The following ESRP1 variants were observed in gnomAD, a reference collection of about 807,000 sequenced individuals.
The protein encoded by ESRP1 is RNA-binding motif protein 35A.
Under a neutral mutation model 81.7 loss-of-function variants are expected in ESRP1, and 33 were observed. The ratio of observed to expected loss-of-function variants is 0.40; its 90% CI spans 0.31 to 0.54. The LOEUF (loss-of-function observed/expected upper bound fraction) is 0.54. Ranked by LOEUF, ESRP1 falls within the 20% of genes least tolerant of loss-of-function variation. ESRP1 has a pLI of 0.41. For missense variants in ESRP1, 672 were observed against 833.1 expected (o/e 0.81, Z 2.38); for synonymous variants, 320 against 303.3 (o/e 1.06, Z -0.57).
At chr8:94,681,993 G>T (rs1362700878) in intron 13 of ESRP1, among the ~76,000 whole-genome samples, 1 of 152,230 alleles carries the variant, frequency 6.6e-6, no homozygotes, top group East Asian at 1.9e-4. Context: ...TGAAATGAAA[G>T]CATGTATGCC....
chr8:94,705,385 C>A (rs1348937759), intron 15 of ESRP1, among the ~76,000 whole-genome samples: 1 of 152,114 alleles, frequency 6.6e-6, no homozygotes, highest in Non-Finnish European at 1.5e-5. Context: ...CCAGGCTGAT[C>A]TCAGACTCCT....
At chr8:94,658,446 C>T (rs1818548639) in intron 4 of ESRP1, among the ~76,000 whole-genome samples, 1 of 152,148 alleles carries the variant, frequency 6.6e-6, no homozygotes, top group African/African-American at 2.4e-5. Flanking sequence ...AATAGCATAA[C>T]ATTTTAGGAA....
intron 6 of ESRP1, among the ~76,000 whole-genome samples, chr8:94,664,188 A>G (rs113698045): frequency 0.16 from 23,476 of 146,748 alleles, 2,320 homozygotes; most frequent in Non-Finnish European, 0.22. Context: ...CAGTGGCACA[A>G]TCTCAGCTCA....
chr8:94,641,383 A>G lies in ESRP1; in HGVS notation c.65A>G (p.Lys22Arg). 3 of 1,613,946 alleles carry G rather than the reference A, an allele frequency of 1.9e-6. No homozygotes were observed. Among genetic ancestry groups the G allele is most frequent in the Non-Finnish European group, 2.5e-6 (3 of 1,179,880 alleles). ...ATCACTGCTGGGGCCACCGGGGCCA[A>G]GCTAGGCTCGGATGAGAAGGAGTTG... is the stretch of plus-strand genomic sequence containing the variant. ...FGITAGATGA[K>R]LGSDEKELIL... Residue 22 changes from lysine to arginine, a missense_variant, in exon 1 of 16, where the codon AAG (lysine) becomes AGG (arginine). Coordinates refer to ENST00000433389, the MANE Select transcript of ESRP1 (RefSeq NM_017697.4).
chr8:94,657,950 A>G (rs916880961), intron 4 of ESRP1, among the ~76,000 whole-genome samples: 3 of 151,994 alleles, frequency 2.0e-5, no homozygotes, highest in African/African-American at 7.2e-5. Context: ...TTGCTCTGTT[A>G]CCCGGGCTGG....
chr8:94,678,307 C>T lies in ESRP1; in HGVS notation c.1756C>T (p.Pro586Ser). ...GATTTTGAATCCACGAGCACTGCAG[C>T]CCTCCACAGCGTACTACCCAGCAGG... ...SVILNPRALQ[P>S]STAYYPAGTQ... is the part of the protein sequence containing the mutation. The change falls in exon 13 of 16, where the codon CCC (proline) becomes TCC (serine). Residue 586 changes from proline (P) to serine (S), a missense_variant. Pro to Ser is a moderately conservative substitution (Grantham distance 74). Transcript: ENST00000433389. The T allele has an allele frequency of 6.2e-7, 1 of 1,614,010 alleles. No homozygotes were observed. Among genetic ancestry groups the T allele is most frequent in the South Asian group, 1.1e-5 (1 of 91,086 alleles).
chr8:94,663,933 T>C lies in ESRP1; in HGVS notation c.645-764T>C, dbSNP rs2130612238. Among the ~76,000 whole-genome samples, 2 of 152,296 alleles carry C rather than the reference T, an allele frequency of 1.3e-5. 1 individual carries two copies. The highest frequency in any genetic ancestry group is 4.8e-5 in the African/African-American group (2 of 41,566). ...TCTGGGGGATATTTTAATGGCAGACTTCCTACCATGCACACACATTCCTCA... is the reference window on the plus strand; with the variant it reads ...TCTGGGGGATATTTTAATGGCAGACCTCCTACCATGCACACACATTCCTCA... On this transcript the variant is annotated intron_variant, in intron 6 of 15. Coordinates refer to ENST00000433389, the MANE Select transcript of ESRP1 (RefSeq NM_017697.4).
intron 15 of ESRP1, among the ~76,000 whole-genome samples, chr8:94,699,791 C>A (rs1180882107): frequency 6.6e-6 from 1 of 152,148 alleles, no homozygotes; most frequent in East Asian, 1.9e-4. Context: ...AAAGAAGTCA[C>A]TAATAATCTC....
intron 14 of ESRP1, among the ~76,000 whole-genome samples, chr8:94,693,926 T>C (rs1205348912): frequency 6.6e-6 from 1 of 152,134 alleles, no homozygotes. Flanking sequence ...AATCTATGGC[T>C]GATAGTGAAA....
chr8:94,643,202 C>G, intron 2 of ESRP1, 101 bp from the exon 3 acceptor site: 1 of 734,536 alleles, frequency 1.4e-6, no homozygotes, highest in East Asian at 2.6e-5. Context: ...CCCATCAGGG[C>G]CCTTATTGCG....
intron 4 of ESRP1, among the ~76,000 whole-genome samples, chr8:94,658,357 C>G (rs1021190687): frequency 5.3e-5 from 8 of 152,146 alleles, no homozygotes; most frequent in Non-Finnish European, 1.2e-4. Flanking sequence ...TCCTTGGAAG[C>G]TATAGAGATG....
intron 4 of ESRP1, among the ~76,000 whole-genome samples, chr8:94,657,108 A>G (rs1037016370): frequency 6.6e-6 from 1 of 152,178 alleles, no homozygotes; most frequent in Non-Finnish European, 1.5e-5. Flanking sequence ...TAACATGCAT[A>G]TAAAGTTTTA....
At chr8:94,676,349 C>CAAAAA (rs10652320) in intron 12 of ESRP1, among the ~76,000 whole-genome samples, 9 of 120,740 alleles carry the variant, frequency 7.5e-5, no homozygotes, top group African/African-American at 2.5e-4. Flanking sequence ...GACTCAGTCT[C>CAAAAA]AAAAAAAAAA....
chr8:94,680,655 G>A (rs1808836789), intron 13 of ESRP1, among the ~76,000 whole-genome samples: 2 of 152,052 alleles, frequency 1.3e-5, no homozygotes, highest in East Asian at 1.9e-4. Flanking sequence ...TCAAACTCCC[G>A]ACCTCAGGTG....
chr8:94,668,358 T>C lies in ESRP1; in HGVS notation c.1233+108T>C. On this transcript the variant is annotated intron_variant, in intron 10 of 15. Transcript: ENST00000433389. ...TGTTAAAATAAAACTGGCAAAATAC[T>C]AAAAGTGTAACTGCATGAAAATAGT... 3.7e-6 allele frequency: 4 copies of C among 1,077,660 alleles called. No individual in the cohort carries two copies. The Admixed American group carries it at 9.3e-5, about 25-fold the overall frequency. 66.8% of individuals were successfully genotyped at this position (1,077,660 alleles called of 1,614,324 possible).
At chr8:94,684,735 T>C (rs538984801) in intron 13 of ESRP1, among the ~76,000 whole-genome samples, 16 of 152,326 alleles carry the variant, frequency 1.1e-4, no homozygotes, top group African/African-American at 3.6e-4. Context: ...ATACATATGA[T>C]ACTTTGGCCT....
chr8:94,697,043 G>A (rs181543606), intron 15 of ESRP1, 82 bp downstream of exon 15: 172 of 893,882 alleles, frequency 1.9e-4, no homozygotes, highest in Middle Eastern at 4.5e-4. Flanking sequence ...AATCAACTGA[G>A]AGAATCCTTC....
chr8:94,641,688 G>A, intron 1 of ESRP1: 1 of 735,312 alleles, frequency 1.4e-6, no homozygotes, highest in Non-Finnish European at 2.1e-6. Flanking sequence ...ACCGAGCCGG[G>A]TTCTTTGCCC....
At position 94,674,470 on chromosome 8, in the gene ESRP1, C is replaced by T; in HGVS notation, c.1615C>T (p.Arg539Ter). ...TGTGTTAATGGGGGGCACTTTAAAT[C>T]GAAATGGCTTATCCCCACCGCCATG... ...NFVLMGGTLN[R>*]NGLSPPPCKL... The change falls in exon 12 of 16, where the codon CGA becomes TGA. Residue 539 changes from arginine (R) to a stop codon, truncating the protein, a stop_gained. Coordinates refer to ENST00000433389, the MANE Select transcript of ESRP1 (RefSeq NM_017697.4). LOFTEE classifies it high-confidence loss of function. 6.2e-7 allele frequency: 1 copy of T among 1,613,814 alleles called. No homozygotes were observed. Among genetic ancestry groups the T allele is most frequent in the Non-Finnish European group, 8.5e-7 (1 of 1,179,842 alleles).
Sources: gnomAD v4.1 joint callset for allele counts (sites outside exome capture counted in the v4.1 genomes callset) on GRCh38, gnomAD v4.1.1 for gene constraint, MANE v1.5 for transcripts, NCBI Gene and HGNC (gene_info 2026-07-23, HGNC 2026-07-21) for gene names.